The following PCDHGA6 variants were observed in gnomAD, a reference collection of about 807,000 sequenced individuals.
PCDHGA6 encodes the protein protocadherin gamma-A6.
PCDHGA6 carries 41 observed loss-of-function variants against 60.6 expected under a neutral mutation model. The ratio of observed to expected loss-of-function variants is 0.68; its 90% CI spans 0.53 to 0.88. The LOEUF is 0.88. Ranked by LOEUF, PCDHGA6 falls within the 40% of genes least tolerant of loss-of-function variation. The pLI, the probability that PCDHGA6 is intolerant of heterozygous loss-of-function variation, is 0.00. For missense variants in PCDHGA6, 1,312 were observed against 1,203.0 expected (o/e 1.09, Z -1.34); for synonymous variants, 594 against 524.4 (o/e 1.13, Z -1.81).
In PCDHGA6 at chr5:141,487,198, T is replaced by C; in HGVS notation, c.2425-7609T>C. ...AAGACACTCATCCAGTTGTCCCAGA[T>C]CTTCGAGAATCTTCAGCTCCAAGGG... On this transcript the variant is annotated intron_variant, in intron 1 of 3. Transcript: ENST00000517434. The surrounding 1 kb of genome is among the most constrained non-coding windows in gnomAD (Gnocchi z 5.0). The C allele has an allele frequency of 6.2e-7, 1 of 1,613,854 alleles. No homozygotes were observed.
chr5:141,422,916 C>T, intron 1 of PCDHGA6: 1 of 1,614,260 alleles, frequency 6.2e-7, no homozygotes, highest in Non-Finnish European at 8.5e-7. Context: ...CGCCCGAGAT[C>T]CTGTACCCTG....
Position 141,510,990 on chromosome 5 carries a change from C to T in PCDHGA6, c.2616C>T (p.Thr872=). ...GSSTLGGGAG[T]MGLSARYGPQ... ...CCACCCTGGGAGGGGGTGCCGGCAC[C>T]ATGGGATTGAGCGCCCGCTACGGAC... The change falls in exon 4 of 4, where the codon ACC becomes ACT. Residue 872 remains threonine, a synonymous_variant. Transcript: ENST00000517434. The T allele has an allele frequency of 2.5e-6, 4 of 1,614,166 alleles. No homozygotes were observed. Among genetic ancestry groups the T allele is most frequent in the Non-Finnish European group, 3.4e-6 (4 of 1,180,014 alleles).
chr5:141,410,623 G>T, intron 1 of PCDHGA6: 2 of 1,603,052 alleles, frequency 1.2e-6, no homozygotes, highest in Non-Finnish European at 1.7e-6. Context: ...TGACTTCGGT[G>T]AGTTTCTCTT....
At chr5:141,403,317 A>G (rs576274199) in intron 1 of PCDHGA6, 2 of 1,613,974 alleles carry the variant, frequency 1.2e-6, no homozygotes, top group South Asian at 2.2e-5. Flanking sequence ...ATAGAAATAG[A>G]AGTAACTGAT....
At chr5:141,442,674 A>G (rs2098335634) in intron 1 of PCDHGA6, among the ~76,000 whole-genome samples, 1 of 152,272 alleles carries the variant, frequency 6.6e-6, no homozygotes, top group Non-Finnish European at 1.5e-5. Context: ...GGTGAGCTTG[A>G]GGGACAGTAG....
intron 1 of PCDHGA6, chr5:141,383,991 A>G: frequency 6.2e-7 from 1 of 1,613,866 alleles, no homozygotes; most frequent in Non-Finnish European, 8.5e-7. Context: ...CTCTTGGGAC[A>G]GTCATTGCTC....
chr5:141,375,397 C>G lies in PCDHGA6; in HGVS notation c.1314C>G (p.Ile438Met), dbSNP rs751405619. 1.9e-6 allele frequency: 3 copies of G among 1,613,892 alleles called. No homozygotes were observed. The highest frequency in any genetic ancestry group is 4.5e-5 in the East Asian group (2 of 44,892). ...GTPPLSTETI[I>M]SLNVADTNDN... ...CACCTCTGTCTACAGAAACAATCAT[C>G]TCTCTAAATGTGGCAGACACCAACG... The change falls in exon 1 of 4, where the codon ATC becomes ATG. Residue 438 changes from isoleucine (I) to methionine (M), a missense_variant. Physicochemically the swap from Ile to Met is conservative, Grantham distance 10. Coordinates refer to ENST00000517434, the MANE Select transcript of PCDHGA6 (RefSeq NM_018919.3).
At chr5:141,484,889 TC>T (rs1312115219) in intron 1 of PCDHGA6, 2 of 362,958 alleles carry the variant, frequency 5.5e-6, no homozygotes, top group Admixed American at 8.9e-5. Flanking sequence ...GTGGGCTTTT[TC>T]CCCTCCAATG....
intron 1 of PCDHGA6, chr5:141,468,667 CCATCCTGGCTAA>C (rs2099172391): frequency 6.7e-6 from 1 of 149,836 alleles, no homozygotes; most frequent in African/African-American, 2.5e-5. Flanking sequence ...GAGATCAAGA[CCATCCTGGCTAA>C]CACGGTGAAA....
At chr5:141,425,756 A>G (rs1282506394) in intron 1 of PCDHGA6, among the ~76,000 whole-genome samples, 1 of 152,228 alleles carries the variant, frequency 6.6e-6, no homozygotes, top group Non-Finnish European at 1.5e-5. Flanking sequence ...TTTTTGTTCT[A>G]CAACAGGAGA....
intron 1 of PCDHGA6, chr5:141,400,128 G>A: frequency 6.2e-7 from 1 of 1,614,080 alleles, no homozygotes; most frequent in South Asian, 1.1e-5. Flanking sequence ...TGCAGGAGGT[G>A]CTGCCGGATA....
intron 1 of PCDHGA6, chr5:141,426,732 C>T (rs576525011): frequency 2.7e-4 from 123 of 448,642 alleles, no homozygotes; most frequent in African/African-American, 2.2e-3. Context: ...TCCAGGCATT[C>T]GGTTTGGCCT....
At chr5:141,408,458 G>T (rs760881860) in intron 1 of PCDHGA6, 4 of 1,614,066 alleles carry the variant, frequency 2.5e-6, no homozygotes, top group South Asian at 2.2e-5. Flanking sequence ...GGACTTACTT[G>T]TGAAGAACCG....
At chr5:141,407,549 T>C (rs1159197129) in intron 1 of PCDHGA6, among the ~76,000 whole-genome samples, 4 of 151,912 alleles carry the variant, frequency 2.6e-5, no homozygotes, top group African/African-American at 9.7e-5. Flanking sequence ...TAACAGATTG[T>C]AGAACATAAG....
chr5:141,399,890 T>A, intron 1 of PCDHGA6: 1 of 1,612,638 alleles, frequency 6.2e-7, no homozygotes, highest in South Asian at 1.1e-5. Context: ...ACCAAGGTAG[T>A]GGCCGTGGAC....
intron 1 of PCDHGA6, among the ~76,000 whole-genome samples, chr5:141,437,588 A>G (rs1399641711): frequency 6.6e-6 from 1 of 152,134 alleles, no homozygotes; most frequent in African/African-American, 2.4e-5. Context: ...CATGAATTGG[A>G]TAGTTCTGGT....
intron 1 of PCDHGA6, chr5:141,389,681 C>T (rs1172050771): frequency 1.2e-6 from 2 of 1,612,438 alleles, no homozygotes; most frequent in South Asian, 1.1e-5. Context: ...CAGGACACAA[C>T]GCCTGGCTGT....
rs945917670 is a variant in PCDHGA6, at chr5:141,377,790, T to G, written c.2424+1283T>G. On this transcript the variant is annotated intron_variant, in intron 1 of 3. Transcript: ENST00000517434. ...TGGTGTTAAAAGACCTGAATAACAT[T>G]CCTGTAACTATCTGTTATTTACTTG... 2.6e-5 allele frequency: 4 copies of G among 152,296 alleles called. No individual in the cohort carries two copies. The East Asian group carries it at 7.7e-4, about 29-fold the overall frequency. 9.4% of individuals were successfully genotyped at this position (152,296 alleles called of 1,614,324 possible).
At chr5:141,410,666 T>C (rs376209053) in intron 1 of PCDHGA6, 1 of 1,566,008 alleles carries the variant, frequency 6.4e-7, no homozygotes, top group Non-Finnish European at 8.6e-7. Flanking sequence ...AGTCTACTAG[T>C]TTCTCATATT....
Sources: allele counts gnomAD v4.1 joint callset (sites outside exome capture counted in the v4.1 genomes callset), GRCh38; gene constraint gnomAD v4.1.1; non-coding constraint Gnocchi (gnomAD v3.1); transcripts MANE v1.5; gene names NCBI Gene and HGNC (gene_info 2026-07-23, HGNC 2026-07-21).